THSD7B: variants seen among roughly 807,000 people sequenced by gnomAD.
The protein encoded by THSD7B is thrombospondin type-1 domain-containing protein 7B.
THSD7B carries 138 observed loss-of-function variants against 213.6 expected under a neutral mutation model. The observed-to-expected ratio is 0.65, with a 90% CI of 0.56 to 0.74. THSD7B has a LOEUF of 0.74. Among genes scored for constraint, THSD7B ranks in the 30% least tolerant of loss-of-function variants. The probability of loss-of-function intolerance (pLI) is 0.00; values close to 1 mark genes in which losing one functional copy is unlikely to be tolerated. For synonymous variants in THSD7B, 742 were observed against 687.0 expected (o/e 1.08, Z -1.25); for missense variants, 1,931 against 1,991.5 (o/e 0.97, Z 0.58).
intron 15 of THSD7B, among the ~76,000 whole-genome samples, chr2:137,496,578 C>T (rs1290395411): frequency 6.6e-6 from 1 of 152,108 alleles, no homozygotes; most frequent in Non-Finnish European, 1.5e-5. Flanking sequence ...AGTATAATTA[C>T]CATTGCATCA....
At chr2:136,833,197 C>T (rs10928574) in intron 1 of THSD7B, among the ~76,000 whole-genome samples, 78 of 151,936 alleles carry the variant, frequency 5.1e-4, no homozygotes, top group Admixed American at 3.2e-3. Context: ...AACCCCGTCT[C>T]TACTAAAAAT....
intron 15 of THSD7B, among the ~76,000 whole-genome samples, chr2:137,474,067 A>G (rs1033326684): frequency 1.3e-5 from 2 of 152,330 alleles, no homozygotes; most frequent in South Asian, 2.1e-4. Flanking sequence ...TTACAATCTT[A>G]TGCTTTTCAC....
chr2:137,417,198 G>A (rs1371821725), intron 14 of THSD7B, among the ~76,000 whole-genome samples: 2 of 152,068 alleles, frequency 1.3e-5, no homozygotes, highest in African/African-American at 2.4e-5. Context: ...TTACATGTTT[G>A]CAATCACTGG....
intron 15 of THSD7B, among the ~76,000 whole-genome samples, chr2:137,479,964 A>G (rs926503452): frequency 6.6e-5 from 10 of 152,182 alleles, no homozygotes; most frequent in South Asian, 2.1e-4. Context: ...TCCCATGGCT[A>G]GGATTGCAGG....
intron 2 of THSD7B, among the ~76,000 whole-genome samples, chr2:136,922,206 AT>A (rs1340231356): frequency 6.6e-6 from 1 of 152,174 alleles, no homozygotes; most frequent in African/African-American, 2.4e-5. Flanking sequence ...GGAACTCAGT[AT>A]GGATGGCCAC....
At chr2:136,873,041 AAAAAG>A (rs1683465058) in intron 1 of THSD7B, among the ~76,000 whole-genome samples, 1 of 150,340 alleles carries the variant, frequency 6.7e-6, no homozygotes, top group African/African-American at 2.4e-5. Context: ...AAAAAAAAAA[AAAAAG>A]AAGAAAGGGA....
At chr2:136,843,254 T>C (rs929935896) in intron 1 of THSD7B, among the ~76,000 whole-genome samples, 14 of 152,200 alleles carry the variant, frequency 9.2e-5, no homozygotes, top group African/African-American at 3.1e-4. Flanking sequence ...TTGGTGTCTA[T>C]TGGGAGAAAA....
intron 15 of THSD7B, among the ~76,000 whole-genome samples, chr2:137,555,602 G>A (rs6430729): frequency 0.58 from 88,371 of 151,722 alleles, 26,951 homozygotes; most frequent in African/African-American, 0.77. Flanking sequence ...AAAAAACAGA[G>A]CAGAAAAATT....
chr2:137,513,862 G>A (rs539610507), intron 15 of THSD7B, among the ~76,000 whole-genome samples: 1 of 152,280 alleles, frequency 6.6e-6, no homozygotes, highest in East Asian at 1.9e-4. Flanking sequence ...GATATCCAGA[G>A]GGTCTGAGAG....
chr2:137,145,053 G>T (rs1481559475), intron 5 of THSD7B, among the ~76,000 whole-genome samples: 1 of 152,052 alleles, frequency 6.6e-6, no homozygotes, highest in Non-Finnish European at 1.5e-5. Context: ...GAGGAGAAAA[G>T]TAGGCTGTTA....
chr2:137,613,459 T>C (rs1682324558), intron 17 of THSD7B, among the ~76,000 whole-genome samples: 1 of 152,176 alleles, frequency 6.6e-6, no homozygotes, highest in African/African-American at 2.4e-5. Context: ...GAAGGCATAA[T>C]GTCATAAGGG....
intron 2 of THSD7B, among the ~76,000 whole-genome samples, chr2:137,053,746 G>A (rs1250251833): frequency 1.3e-5 from 2 of 152,036 alleles, no homozygotes; most frequent in African/African-American, 4.8e-5. Context: ...AAAATCCTGA[G>A]TGGAAAATTG....
intron 12 of THSD7B, among the ~76,000 whole-genome samples, chr2:137,295,036 TG>T (rs1246513235): frequency 6.6e-6 from 1 of 152,148 alleles, no homozygotes; most frequent in Non-Finnish European, 1.5e-5. Flanking sequence ...ACTACTTTCA[TG>T]TTTCATTTTT....
chr2:137,159,493 A>T (rs780418871), intron 5 of THSD7B, among the ~76,000 whole-genome samples: 1 of 151,942 alleles, frequency 6.6e-6, no homozygotes, highest in Non-Finnish European at 1.5e-5. Flanking sequence ...AAAAAAAAGC[A>T]TCTGCATACA....
chr2:137,402,175 A>G (rs1001579456), intron 12 of THSD7B, among the ~76,000 whole-genome samples: 6 of 152,276 alleles, frequency 3.9e-5, no homozygotes, highest in Non-Finnish European at 7.4e-5. Context: ...GTCTTGTGAT[A>G]CTCATTTTAA....
intron 3 of THSD7B, among the ~76,000 whole-genome samples, chr2:137,072,150 A>G (rs1687506874): frequency 6.6e-6 from 1 of 152,160 alleles, no homozygotes; most frequent in Non-Finnish European, 1.5e-5. Flanking sequence ...GAAGAAAGTC[A>G]TTGGTAGCTT....
At chr2:137,149,620 A>G (rs948280730) in intron 5 of THSD7B, among the ~76,000 whole-genome samples, 1 of 152,208 alleles carries the variant, frequency 6.6e-6, no homozygotes, top group African/African-American at 2.4e-5. Context: ...CACCTCTTGC[A>G]TCAGCATGAC....
chr2:137,586,605 G>C (rs1681734892), intron 17 of THSD7B, among the ~76,000 whole-genome samples: 1 of 152,130 alleles, frequency 6.6e-6, no homozygotes, highest in Admixed American at 6.5e-5. Flanking sequence ...AGCTTAGTTT[G>C]GCTGGATATG....
chr2:137,546,430 A>C (rs1359221545), intron 15 of THSD7B, among the ~76,000 whole-genome samples: 652 of 31,426 alleles, frequency 0.021, 140 homozygotes, highest in African/African-American at 0.13. Context: ...TATATTATAT[A>C]TATATTATAT....
Sources: gnomAD v4.1 joint callset for allele counts (sites outside exome capture counted in the v4.1 genomes callset) on GRCh38, gnomAD v4.1.1 for gene constraint, MANE v1.5 for transcripts, NCBI Gene and HGNC (gene_info 2026-07-23, HGNC 2026-07-21) for gene names.